DYRK4: variants seen among roughly 807,000 people sequenced by gnomAD.
DYRK4 encodes dual specificity tyrosine phosphorylation regulated kinase 4.
A neutral mutation model predicts 68.3 loss-of-function variants in DYRK4; 64 were observed. The observed-to-expected ratio is 0.94, with a 90% CI of 0.77 to 1.15. The LOEUF is 1.15. DYRK4 is among the 50% of genes most tolerant of loss of function. The pLI, the probability that DYRK4 is intolerant of heterozygous loss-of-function variation, is 0.00. For missense variants in DYRK4, 740 were observed against 764.7 expected, an observed-to-expected ratio of 0.97 and a Z score of 0.38; for synonymous variants, 274 against 289.9, an observed-to-expected ratio of 0.95 and a Z score of 0.56.
At chr12:4,566,891 T>G (rs1382910020) in intron 1 of DYRK4, among the ~76,000 whole-genome samples, 6 of 152,238 alleles carry the variant, frequency 3.9e-5, no homozygotes, top group Admixed American at 6.5e-5. Context: ...TTCTTCTAGA[T>G]CTTTCAATAT....
chr12:4,582,423 A>G (rs1161423672), intron 2 of DYRK4, among the ~76,000 whole-genome samples: 1 of 152,220 alleles, frequency 6.6e-6, no homozygotes, highest in Non-Finnish European at 1.5e-5. Context: ...CAGCAATAAG[A>G]GCGAAACTCC....
rs778642741 is a variant in DYRK4, at chr12:4,596,132, C to T, written c.628-17C>T. ...AGCCCATGGCTTTGCTCTTCACCTC[C>T]GGCCTGGCTTCCACAGGTCCTGCAT... On this transcript the variant is annotated splice_polypyrimidine_tract_variant and intron_variant, in intron 6 of 14. Coordinates refer to ENST00000543431, the MANE Select transcript of DYRK4 (RefSeq NM_001394779.1). 42 of 1,612,900 alleles carry T rather than the reference C, an allele frequency of 2.6e-5. No individual in the cohort carries two copies. Among genetic ancestry groups the T allele is most frequent in the South Asian group, 1.4e-4 (13 of 90,932 alleles).
intron 2 of DYRK4, among the ~76,000 whole-genome samples, chr12:4,583,686 C>T (rs1347756052): frequency 3.9e-5 from 6 of 152,114 alleles, no homozygotes; most frequent in South Asian, 2.1e-4. Context: ...TCAGCCACTG[C>T]GCCCAGCCTT....
chr12:4,578,820 G>A (rs1210798168), intron 2 of DYRK4, among the ~76,000 whole-genome samples: 5 of 152,198 alleles, frequency 3.3e-5, no homozygotes, highest in Non-Finnish European at 7.3e-5. Context: ...TGACTCTGAG[G>A]TCTGTGTACT....
At chr12:4,582,342 G>A (rs1944851202) in intron 2 of DYRK4, among the ~76,000 whole-genome samples, 1 of 152,232 alleles carries the variant, frequency 6.6e-6, no homozygotes, top group Non-Finnish European at 1.5e-5. Context: ...TACTCGGGAG[G>A]CTGAGGCTGG....
At chr12:4,590,959 C>A in intron 4 of DYRK4, 1 of 636,502 alleles carries the variant, frequency 1.6e-6, no homozygotes, top group South Asian at 2.4e-5. Flanking sequence ...CAGGGGTCTC[C>A]CCAGGAATAG....
chr12:4,602,484 C>T, intron 10 of DYRK4: 1 of 1,307,620 alleles, frequency 7.6e-7, no homozygotes, highest in East Asian at 2.3e-5. Context: ...TCTGAGATGG[C>T]AGCAGAGCTT....
At chr12:4,597,155 G>GT in intron 8 of DYRK4, 1 of 1,042,220 alleles carries the variant, frequency 9.6e-7, no homozygotes, top group Non-Finnish European at 1.2e-6. Context: ...TTGATTTTGA[G>GT]TAAATAAGGA....
chr12:4,602,552 A>C, intron 10 of DYRK4: 1 of 1,232,896 alleles, frequency 8.1e-7, no homozygotes, highest in South Asian at 1.2e-5. Flanking sequence ...GGAGGGATAT[A>C]AGCCAACGGC....
intron 2 of DYRK4, among the ~76,000 whole-genome samples, chr12:4,588,036 A>G (rs945075887): frequency 1.3e-5 from 2 of 152,204 alleles, no homozygotes; most frequent in Non-Finnish European, 2.9e-5. Context: ...CTACGCCTAC[A>G]TAGTCCTCAC....
intron 2 of DYRK4, chr12:4,573,364 C>G: frequency 7.8e-7 from 1 of 1,289,532 alleles, no homozygotes; most frequent in Admixed American, 2.3e-5. Context: ...ATGGTAAGTA[C>G]CAGTTCCTTT....
intron 4 of DYRK4, chr12:4,590,849 T>G: frequency 2.3e-6 from 1 of 431,872 alleles, no homozygotes; most frequent in Non-Finnish European, 4.0e-6. Flanking sequence ...CACTTTGTCT[T>G]GTTGGGAGCT....
chr12:4,576,173 A>G (rs1944787396), intron 2 of DYRK4, among the ~76,000 whole-genome samples: 1 of 152,160 alleles, frequency 6.6e-6, no homozygotes. Flanking sequence ...TTGTCCATCT[A>G]TTCATCCTTT....
At chr12:4,562,538 G>C (rs951916948) in intron 1 of DYRK4, among the ~76,000 whole-genome samples, 1 of 152,206 alleles carries the variant, frequency 6.6e-6, no homozygotes, top group Non-Finnish European at 1.5e-5. Flanking sequence ...TCGCATCGGC[G>C]ACTCCAGCTG....
chr12:4,585,516 A>G (rs1944887316), intron 2 of DYRK4, among the ~76,000 whole-genome samples: 1 of 152,210 alleles, frequency 6.6e-6, no homozygotes, highest in Non-Finnish European at 1.5e-5. Context: ...TTCTCAGCAA[A>G]CTATCACAAG....
At chr12:4,579,265 G>T in intron 2 of DYRK4, among the ~76,000 whole-genome samples, 1 of 151,900 alleles carries the variant, frequency 6.6e-6, no homozygotes, top group South Asian at 2.1e-4. Context: ...AGAGCGAGAT[G>T]CCGTCTCAAA....
intron 2 of DYRK4, among the ~76,000 whole-genome samples, chr12:4,584,957 G>A (rs573601211): frequency 4.2e-4 from 64 of 152,222 alleles, no homozygotes; most frequent in Non-Finnish European, 8.2e-4. Context: ...GAAAACAAAA[G>A]AAGTGTGAGA....
At chr12:4,568,601 G>A (rs1944699966) in intron 2 of DYRK4, among the ~76,000 whole-genome samples, 1 of 152,068 alleles carries the variant, frequency 6.6e-6, no homozygotes, top group Non-Finnish European at 1.5e-5. Flanking sequence ...GATCAGGCTG[G>A]TCTCGAACTC....
In DYRK4 at chr12:4,597,130, A is replaced by G. The variant is rs575281114; in HGVS notation, c.905+401A>G. On this transcript the variant is annotated intron_variant, in intron 8 of 14. Coordinates refer to ENST00000543431, the MANE Select transcript of DYRK4 (RefSeq NM_001394779.1). Reference sequence around the variant, plus strand: ...AAGGAACAGGCAGCTGGCTGCTCAGAGTGGGAAATGGGTTTTGATTTTGAG... The same window carrying G: ...AAGGAACAGGCAGCTGGCTGCTCAGGGTGGGAAATGGGTTTTGATTTTGAG... The G allele has an allele frequency of 1.1e-5, 12 of 1,058,130 alleles. No individual in the cohort carries two copies. The South Asian group carries it at 3.7e-4, about 33-fold the overall frequency. 65.5% of individuals were successfully genotyped at this position (1,058,130 alleles called of 1,614,324 possible).
Sources: gnomAD v4.1 joint callset for allele counts (sites outside exome capture counted in the v4.1 genomes callset) on GRCh38, gnomAD v4.1.1 for gene constraint, MANE v1.5 for transcripts, NCBI Gene and HGNC (gene_info 2026-07-23, HGNC 2026-07-21) for gene names.